CDYL: variants seen among roughly 807,000 people sequenced by gnomAD.
The protein encoded by CDYL is chromodomain Y-like protein.
Under a neutral mutation model 47.3 loss-of-function variants are expected in CDYL, and 8 were observed. The ratio of observed to expected loss-of-function variants is 0.17; its 90% CI spans 0.10 to 0.31. The LOEUF (loss-of-function observed/expected upper bound fraction) is 0.31, where lower values mean the gene tolerates loss of function less well. Ranked by LOEUF, CDYL falls within the 10% of genes least tolerant of loss-of-function variation. The probability of loss-of-function intolerance (pLI) is 1.00; values close to 1 mark genes in which losing one functional copy is unlikely to be tolerated. For synonymous variants in CDYL, 266 were observed against 265.0 expected, an observed-to-expected ratio of 1.00 and a Z score of -0.04; for missense variants, 471 against 701.4, an observed-to-expected ratio of 0.67 and a Z score of 3.71.
intron 1 of CDYL, among the ~76,000 whole-genome samples, chr6:4,868,446 G>A (rs1309392999): frequency 2.0e-5 from 3 of 151,504 alleles, no homozygotes; most frequent in Admixed American, 2.0e-4. Flanking sequence ...ATTCCATTAT[G>A]GCCATTAAAC....
chr6:4,881,144 A>T (rs1219065595), intron 1 of CDYL, among the ~76,000 whole-genome samples: 1 of 152,178 alleles, frequency 6.6e-6, no homozygotes, highest in African/African-American at 2.4e-5. Flanking sequence ...TGGAGCACTC[A>T]GTCCACTTAC....
Position 4,954,036 on chromosome 6 carries a change from A to G in CDYL, c.1615A>G (p.Arg539Gly). 6.2e-7 allele frequency: 1 copy of G among 1,613,970 alleles called. No individual in the cohort carries two copies. The highest frequency in any genetic ancestry group is 8.5e-7 in the Non-Finnish European group (1 of 1,179,964). The change falls in exon 7 of 7, where the codon AGG becomes GGG. Residue 539 changes from arginine (R) to glycine (G), a missense_variant. By Grantham distance (125) the Arg-to-Gly change is moderately radical. Transcript: ENST00000397588. ...GMDSMLKYLQRKIDEF is the reference protein window; with the variant it reads ...GMDSMLKYLQGKIDEF ...GGACTCCATGTTAAAGTACTTGCAG[A>G]GGAAGATCGATGAGTTCTGAGTGTC... is the stretch of plus-strand genomic sequence containing the variant.
intron 1 of CDYL, among the ~76,000 whole-genome samples, chr6:4,872,810 T>G (rs376273841): frequency 6.6e-6 from 1 of 152,254 alleles, no homozygotes; most frequent in South Asian, 2.1e-4. Context: ...TTATCTATTT[T>G]TAGTACCTGA....
chr6:4,725,448 C>T (rs928470723), intron 2 of CDYL, among the ~76,000 whole-genome samples: 1 of 152,236 alleles, frequency 6.6e-6, no homozygotes, highest in Admixed American at 6.5e-5. Context: ...TCAGGCATGG[C>T]GGGCTGCAGG....
chr6:4,835,250 G>A lies in CDYL; in HGVS notation c.25-56463G>A, dbSNP rs1270939798. On this transcript the variant is annotated intron_variant, in intron 1 of 6. Transcript: ENST00000397588. ...ATGGTGATATACAGATGGGTTTTTG[G>A]TGTGGATGTCCTTTCTGTTTGTTAG... Among the ~76,000 whole-genome samples the A allele has an allele frequency of 2.0e-5, 3 of 152,056 alleles. No individual in the cohort carries two copies. The East Asian group carries it at 5.8e-4, about 29-fold the overall frequency.
intron 1 of CDYL, among the ~76,000 whole-genome samples, chr6:4,854,766 C>T (rs1013464165): frequency 3.3e-5 from 5 of 152,110 alleles, no homozygotes; most frequent in African/African-American, 7.2e-5. Flanking sequence ...AGGGTGACGT[C>T]GAAACAAAAA....
chr6:4,789,365 C>T (rs139540093), intron 1 of CDYL, among the ~76,000 whole-genome samples: 632 of 152,276 alleles, frequency 4.2e-3, no homozygotes, highest in African/African-American at 0.014. Flanking sequence ...TGACCTGCCG[C>T]GCCTGGCTGC....
intron 1 of CDYL, among the ~76,000 whole-genome samples, chr6:4,781,926 G>A (rs768221435): frequency 6.6e-6 from 1 of 152,126 alleles, no homozygotes; most frequent in Non-Finnish European, 1.5e-5. Context: ...CCCAAACCAC[G>A]AGATTATAAT....
intron 4 of CDYL, among the ~76,000 whole-genome samples, chr6:4,942,677 A>G (rs1421141582): frequency 6.6e-6 from 1 of 152,202 alleles, no homozygotes; most frequent in Non-Finnish European, 1.5e-5. Context: ...GCACATTCCT[A>G]AAGTGGTATG....
At chr6:4,902,674 C>G (rs1347765513) in intron 2 of CDYL, among the ~76,000 whole-genome samples, 2 of 152,110 alleles carry the variant, frequency 1.3e-5, no homozygotes, top group African/African-American at 4.8e-5. Flanking sequence ...GATATCTCAC[C>G]TTTTACACAT....
chr6:4,884,282 A>G (rs904123167), intron 1 of CDYL, among the ~76,000 whole-genome samples: 1 of 152,142 alleles, frequency 6.6e-6, no homozygotes, highest in African/African-American at 2.4e-5. Flanking sequence ...GTTTTATGGT[A>G]TTGCTTTAGC....
chr6:4,742,484 A>G (rs995876271), intron 3 of CDYL, among the ~76,000 whole-genome samples: 1 of 151,982 alleles, frequency 6.6e-6, no homozygotes, highest in East Asian at 1.9e-4. Context: ...TATTGCAGGT[A>G]TTGGTCCACA....
At chr6:4,865,122 C>T (rs1478366392) in intron 1 of CDYL, among the ~76,000 whole-genome samples, 3 of 152,198 alleles carry the variant, frequency 2.0e-5, no homozygotes, top group African/African-American at 7.2e-5. Flanking sequence ...CTGTTCCCCT[C>T]ATCACCTGCT....
chr6:4,812,494 G>A (rs1759557670), intron 1 of CDYL, among the ~76,000 whole-genome samples: 1 of 152,168 alleles, frequency 6.6e-6, no homozygotes, highest in Admixed American at 6.5e-5. Context: ...CAAACTGGTT[G>A]TATCAATCTG....
chr6:4,936,817 C>T (rs1301052428), intron 3 of CDYL, among the ~76,000 whole-genome samples: 8 of 151,300 alleles, frequency 5.3e-5, no homozygotes, highest in Non-Finnish European at 1.0e-4. Context: ...AGCAACTTGC[C>T]TTATCTAAGA....
chr6:4,769,965 TTGTGTGTGTG>T (rs58041362), intron 3 of CDYL, among the ~76,000 whole-genome samples: 17,102 of 137,814 alleles, frequency 0.12, 1,050 homozygotes, highest in Middle Eastern at 0.17. Context: ...CCCGGCTAAT[TTGTGTGTGTG>T]TGTGTGTGTG....
intron 2 of CDYL, among the ~76,000 whole-genome samples, chr6:4,732,384 C>T (rs950981928): frequency 4.7e-5 from 7 of 150,166 alleles, no homozygotes; most frequent in South Asian, 4.2e-4. Flanking sequence ...CTGGGCACTG[C>T]GGCTTATGCC....
At position 4,952,256 on chromosome 6, in the gene CDYL, T is replaced by C; in HGVS notation, c.1333-10T>C. 6.2e-7 allele frequency: 1 copy of C among 1,612,634 alleles called. No homozygotes were observed. The highest frequency in any genetic ancestry group is 8.5e-7 in the Non-Finnish European group (1 of 1,179,314). ...GCAATTCATATTACATCCACTCTTC[T>C]TCCTTGCAGGCAAACGAGATGCTGC... On this transcript the variant is annotated splice_polypyrimidine_tract_variant and intron_variant, in intron 5 of 6. Transcript: ENST00000397588.
chr6:4,770,647 G>C (rs1306248204), intron 3 of CDYL, among the ~76,000 whole-genome samples: 1 of 152,092 alleles, frequency 6.6e-6, no homozygotes, highest in African/African-American at 2.4e-5. Flanking sequence ...GAAAGATAAG[G>C]CCTAAAATGC....
Sources: allele counts gnomAD v4.1 joint callset (sites outside exome capture counted in the v4.1 genomes callset), GRCh38; gene constraint gnomAD v4.1.1; transcripts MANE v1.5; gene names NCBI Gene and HGNC (gene_info 2026-07-23, HGNC 2026-07-21).